Variants in NSL1 observed in about 807,000 individuals in gnomAD.
NSL1 encodes kinetochore-associated protein NSL1 homolog.
NSL1 carries 11 observed loss-of-function variants against 25.4 expected under a neutral mutation model. The observed-to-expected ratio is 0.43, with a 90% CI of 0.27 to 0.72. NSL1 has a LOEUF of 0.72. Ranked by LOEUF, NSL1 falls within the 30% of genes least tolerant of loss-of-function variation. The pLI is 0.19. For synonymous variants in NSL1, 118 were observed against 120.6 expected, an observed-to-expected ratio of 0.98 and a Z score of 0.14; for missense variants, 330 against 342.7, an observed-to-expected ratio of 0.96 and a Z score of 0.29.
chr1:212,745,178 A>AC (rs1338444984), intron 4 of NSL1, among the ~76,000 whole-genome samples: 8 of 24,846 alleles, frequency 3.2e-4, no homozygotes, highest in East Asian at 9.2e-4. Context: ...ATATATATAT[A>AC]TATATATATA....
At chr1:212,791,417 C>T in intron 1 of NSL1, 113 bp downstream of exon 1, 3 of 953,982 alleles carry the variant, frequency 3.1e-6, no homozygotes, top group Non-Finnish European at 4.9e-6. Context: ...TCTACAGTAG[C>T]CTGGGGCACC....
At chr1:212,763,541 C>T (rs367817042) in intron 4 of NSL1, among the ~76,000 whole-genome samples, 4 of 152,250 alleles carry the variant, frequency 2.6e-5, no homozygotes, top group South Asian at 4.1e-4. Context: ...TCAAGAGACT[C>T]ACCTAACATA....
chr1:212,786,076 C>T (rs1341387210), intron 2 of NSL1, among the ~76,000 whole-genome samples: 4 of 151,540 alleles, frequency 2.6e-5, no homozygotes, highest in Non-Finnish European at 5.9e-5. Flanking sequence ...CATTCTCCCT[C>T]CCTTCCTTTC....
chr1:212,778,200 T>G (rs1011615173), intron 4 of NSL1, among the ~76,000 whole-genome samples: 1 of 152,206 alleles, frequency 6.6e-6, no homozygotes, highest in African/African-American at 2.4e-5. Flanking sequence ...AGGAACCAGT[T>G]AGGGGGCATG....
At position 212,731,500 on chromosome 1, in the gene NSL1, T is replaced by A; in HGVS notation, c.*6908A>T. On this transcript the variant is annotated 3_prime_UTR_variant, in exon 6 of 6. Coordinates refer to ENST00000366977, the MANE Select transcript of NSL1 (RefSeq NM_015471.4). ...CCCGAGAAAGGTTCTAGGGGATGAT[T>A]TGTCTCTTAAACCAAATTTATTTTC... 6.1e-6 allele frequency: 6 copies of A among 985,388 alleles called. No individual in the cohort carries two copies. The highest frequency in any genetic ancestry group is 7.2e-6 in the Non-Finnish European group (6 of 829,932). The allele number at this position is 985,388 out of a possible 1,614,324, so 61.0% of individuals were successfully genotyped here. A position where few individuals can be genotyped will look rare whatever the true frequency, so the allele number is the denominator to read the frequency against.
chr1:212,771,658 T>C (rs1334632276), intron 4 of NSL1, among the ~76,000 whole-genome samples: 1 of 123,590 alleles, frequency 8.1e-6, no homozygotes, highest in Non-Finnish European at 1.8e-5. Flanking sequence ...ACAAATTCAG[T>C]AAAGTTGCAG....
chr1:212,772,816 C>T (rs529811176), intron 4 of NSL1, among the ~76,000 whole-genome samples: 4 of 152,100 alleles, frequency 2.6e-5, no homozygotes, highest in African/African-American at 7.2e-5. Flanking sequence ...TACAAAGCTA[C>T]AGTAACCAAA....
At chr1:212,741,062 T>A (rs59231663) in intron 4 of NSL1, among the ~76,000 whole-genome samples, 1 of 152,010 alleles carries the variant, frequency 6.6e-6, no homozygotes, top group South Asian at 2.1e-4. Context: ...AAAATAAAAA[T>A]GTATTTTTTT....
At chr1:212,789,050 G>C (rs1168655070) in intron 1 of NSL1, among the ~76,000 whole-genome samples, 1 of 152,064 alleles carries the variant, frequency 6.6e-6, no homozygotes, top group Non-Finnish European at 1.5e-5. Flanking sequence ...AAAGAATTTT[G>C]CTTTATGCTA....
At chr1:212,754,837 C>T (rs1659231899) in intron 4 of NSL1, among the ~76,000 whole-genome samples, 1 of 147,368 alleles carries the variant, frequency 6.8e-6, no homozygotes, top group Admixed American at 6.7e-5. Context: ...GCAAAGCTTA[C>T]TTAAAGCTAA....
chr1:212,746,334 AATTC>A (rs1408420728), intron 4 of NSL1, among the ~76,000 whole-genome samples: 1 of 152,218 alleles, frequency 6.6e-6, no homozygotes, highest in Non-Finnish European at 1.5e-5. Flanking sequence ...AAGTGGTATT[AATTC>A]AAACTACATT....
intron 4 of NSL1, among the ~76,000 whole-genome samples, chr1:212,751,096 A>T (rs1319105873): frequency 6.6e-6 from 1 of 152,220 alleles, no homozygotes; most frequent in Admixed American, 6.5e-5. Context: ...TAAAAATACA[A>T]ATATGAAATA....
At chr1:212,739,403 C>T in intron 5 of NSL1, 131 bp downstream of exon 5, 1 of 755,152 alleles carries the variant, frequency 1.3e-6, no homozygotes, top group South Asian at 1.9e-5. Context: ...TTAATAAATT[C>T]ATTAAAGATT....
chr1:212,736,672 C>T lies in NSL1; in HGVS notation c.*1736G>A, dbSNP rs1380174869. ...GAGGATTTCAAATCTCAGCTGTCTG[C>T]CTGGGGACTTTAAAATATAACCATT... On this transcript the variant is annotated 3_prime_UTR_variant, in exon 6 of 6. Transcript: ENST00000366977. The T allele has an allele frequency of 1.3e-5, 13 of 984,440 alleles. No homozygotes were observed. Among genetic ancestry groups the T allele is most frequent in the Non-Finnish European group, 1.6e-5 (13 of 829,188 alleles). The allele number at this position is 984,440 out of a possible 1,614,324, so 61.0% of individuals were successfully genotyped here.
intron 4 of NSL1, 109 bp from the exon 5 acceptor site, chr1:212,739,710 T>G: frequency 1.0e-6 from 1 of 957,958 alleles, no homozygotes; most frequent in Non-Finnish European, 1.6e-6. Flanking sequence ...GACAAAAATC[T>G]GCTAGGACGA....
rs1657877161 is a variant in NSL1 at position 212,728,507 on chromosome 1, T to A, written c.*9901A>T. 1 of 985,340 alleles carries A rather than the reference T, an allele frequency of 1.0e-6. No homozygotes were observed. Among genetic ancestry groups the A allele is most frequent in the Admixed American group, 6.1e-5 (1 of 16,270 alleles). The allele number at this position is 985,340 out of a possible 1,614,324, so 61.0% of individuals were successfully genotyped here. On this transcript the variant is annotated 3_prime_UTR_variant, in exon 6 of 6. Transcript: ENST00000366977. ...TAGATGAATTGTGAGCTCATATAGC[T>A]GGAACAAATCTGACATTGTTGGTTT...
At chr1:212,739,784 A>G (rs897391172) in intron 4 of NSL1, among the ~76,000 whole-genome samples, 183 bp from the exon 5 acceptor site, 1 of 152,240 alleles carries the variant, frequency 6.6e-6, no homozygotes, top group Non-Finnish European at 1.5e-5. Context: ...ACTAAAAGTT[A>G]TAAGCATAAG....
chr1:212,769,867 A>T (rs1045857665), intron 4 of NSL1, among the ~76,000 whole-genome samples: 2 of 152,194 alleles, frequency 1.3e-5, no homozygotes, highest in Non-Finnish European at 2.9e-5. Context: ...AATAACCTTG[A>T]ATGTAAATAG....
chr1:212,761,285 C>A (rs1035740053), intron 4 of NSL1, among the ~76,000 whole-genome samples: 2 of 152,196 alleles, frequency 1.3e-5, no homozygotes, highest in Admixed American at 1.3e-4. Context: ...CATTGTGGCT[C>A]ACCCCTGTAA....
Sources: gnomAD v4.1 joint callset for allele counts (sites outside exome capture counted in the v4.1 genomes callset) on GRCh38, gnomAD v4.1.1 for gene constraint, MANE v1.5 for transcripts, NCBI Gene and HGNC (gene_info 2026-07-23, HGNC 2026-07-21) for gene names.